IL15: variants seen among roughly 807,000 people sequenced by gnomAD.
IL15 encodes the protein interleukin 15, also known as interleukin-15.
A neutral mutation model predicts 19.6 loss-of-function variants in IL15; 11 were observed. That is an observed-to-expected ratio of 0.56 (90% CI 0.35 to 0.93). IL15 has a LOEUF of 0.93. Ranked by LOEUF, IL15 falls within the 40% of genes least tolerant of loss-of-function variation. IL15 has a pLI of 0.01. For synonymous variants in IL15, 58 were observed against 59.6 expected, an observed-to-expected ratio of 0.97 and a Z score of 0.12; for missense variants, 197 against 186.5, an observed-to-expected ratio of 1.06 and a Z score of -0.33.
At chr4:141,678,208 A>G (rs940211694) in intron 2 of IL15, among the ~76,000 whole-genome samples, 4 of 152,138 alleles carry the variant, frequency 2.6e-5, no homozygotes, top group Non-Finnish European at 5.9e-5. Context: ...TATGCCCCAT[A>G]TATTTCTGTG....
chr4:141,702,659 G>C (rs1247246039), intron 2 of IL15, among the ~76,000 whole-genome samples: 1 of 152,236 alleles, frequency 6.6e-6, no homozygotes, highest in Non-Finnish European at 1.5e-5. Context: ...ATTCTGCTGA[G>C]AGGTATTGTG....
intron 1 of IL15, among the ~76,000 whole-genome samples, chr4:141,649,688 A>G (rs1280837291): frequency 6.6e-6 from 1 of 152,088 alleles, no homozygotes; most frequent in Non-Finnish European, 1.5e-5. Context: ...ATTAGCTAAC[A>G]TAACACAACA....
At chr4:141,724,912 T>C (rs145829239) in intron 5 of IL15, among the ~76,000 whole-genome samples, 54 of 152,142 alleles carry the variant, frequency 3.5e-4, no homozygotes, top group African/African-American at 1.2e-3. Flanking sequence ...TTCTAGAAAA[T>C]AGAAGAGGAA....
intron 2 of IL15, 161 bp from the exon 3 acceptor site, chr4:141,719,205 A>T: frequency 2.9e-6 from 1 of 342,810 alleles, no homozygotes; most frequent in Admixed American, 4.8e-5. Context: ...AATGCTACTA[A>T]CCTTCCTCCA....
intron 5 of IL15, among the ~76,000 whole-genome samples, chr4:141,722,446 A>C (rs149378871): frequency 6.6e-6 from 1 of 152,202 alleles, no homozygotes; most frequent in Non-Finnish European, 1.5e-5. Context: ...GATGGCACCA[A>C]GCATACCAAA....
At chr4:141,695,627 G>C (rs1264316315) in intron 2 of IL15, among the ~76,000 whole-genome samples, 6 of 151,944 alleles carry the variant, frequency 3.9e-5, no homozygotes, top group African/African-American at 1.2e-4. Context: ...TGGTAGTTCT[G>C]TTTTTAATTG....
chr4:141,643,102 A>G (rs779016540), intron 1 of IL15, among the ~76,000 whole-genome samples: 13 of 152,222 alleles, frequency 8.5e-5, no homozygotes, highest in East Asian at 1.9e-4. Context: ...ACAATTAGAG[A>G]TAAGGAAACC....
At chr4:141,667,466 T>G (rs1728029254) in intron 2 of IL15, among the ~76,000 whole-genome samples, 1 of 152,194 alleles carries the variant, frequency 6.6e-6, no homozygotes, top group South Asian at 2.1e-4. Context: ...CCCCACAAAC[T>G]TGGTCACAGA....
chr4:141,672,409 CTTTG>C (rs900838777), intron 2 of IL15, among the ~76,000 whole-genome samples: 5 of 152,126 alleles, frequency 3.3e-5, no homozygotes, highest in African/African-American at 1.2e-4. Context: ...TGAAGTGTGA[CTTTG>C]TTTTCTTTTT....
chr4:141,676,810 A>G (rs1728365171), intron 2 of IL15, among the ~76,000 whole-genome samples: 1 of 151,898 alleles, frequency 6.6e-6, no homozygotes, highest in East Asian at 1.9e-4. Context: ...GGATTTCAGG[A>G]TATGGATCTT....
At chr4:141,675,699 T>C (rs1024314506) in intron 2 of IL15, among the ~76,000 whole-genome samples, 1 of 152,156 alleles carries the variant, frequency 6.6e-6, no homozygotes, top group African/African-American at 2.4e-5. Context: ...ATATGTACCA[T>C]AAAATGAGGA....
At chr4:141,719,972 G>A (rs1018906076) in intron 3 of IL15, among the ~76,000 whole-genome samples, 2 of 152,188 alleles carry the variant, frequency 1.3e-5, no homozygotes, top group East Asian at 1.9e-4. Context: ...ATGGAATACA[G>A]TATCTGTAAT....
chr4:141,721,793 G>T, intron 4 of IL15, 131 bp from the exon 5 acceptor site: 1 of 775,702 alleles, frequency 1.3e-6, no homozygotes. Flanking sequence ...GCTGTTGAAT[G>T]CACAGAAGCA....
At chr4:141,698,078 G>A (rs1254208910) in intron 2 of IL15, among the ~76,000 whole-genome samples, 1 of 152,000 alleles carries the variant, frequency 6.6e-6, no homozygotes, top group African/African-American at 2.4e-5. Context: ...TGCTTTTTCT[G>A]TGTCTATTGA....
At chr4:141,726,910 G>A (rs573082228) in intron 5 of IL15, among the ~76,000 whole-genome samples, 2 of 152,208 alleles carry the variant, frequency 1.3e-5, no homozygotes, top group Admixed American at 6.5e-5. Flanking sequence ...AAAAGAAATG[G>A]AGAAACCTTC....
intron 1 of IL15, among the ~76,000 whole-genome samples, chr4:141,637,384 G>T (rs1447523054): frequency 1.3e-5 from 2 of 152,024 alleles, no homozygotes; most frequent in African/African-American, 4.8e-5. Flanking sequence ...TGCAGGAATG[G>T]TCAGTGCTTG....
intron 2 of IL15, among the ~76,000 whole-genome samples, chr4:141,673,827 C>T (rs1461734539): frequency 6.6e-6 from 1 of 152,132 alleles, no homozygotes; most frequent in Non-Finnish European, 1.5e-5. Flanking sequence ...CAAAAACAAA[C>T]ATTCTAGTTT....
At chr4:141,729,548 C>A (rs1457227219) in intron 6 of IL15, among the ~76,000 whole-genome samples, 1 of 152,110 alleles carries the variant, frequency 6.6e-6, no homozygotes, top group African/African-American at 2.4e-5. Flanking sequence ...AGTATTATTA[C>A]CCTTTCCACA....
chr4:141,661,421 A>G, intron 2 of IL15, among the ~76,000 whole-genome samples: 1 of 152,140 alleles, frequency 6.6e-6, no homozygotes, highest in East Asian at 1.9e-4. Flanking sequence ...AATGCATTGG[A>G]AGGAAGGGGT....
Sources: gnomAD v4.1 joint callset for allele counts (sites outside exome capture counted in the v4.1 genomes callset) on GRCh38, gnomAD v4.1.1 for gene constraint, MANE v1.5 for transcripts, NCBI Gene and HGNC (gene_info 2026-07-23, HGNC 2026-07-21) for gene names.